Variants in NCAM2 observed in about 807,000 individuals in gnomAD.
NCAM2 encodes the protein neural cell adhesion molecule 2.
NCAM2 carries 30 observed loss-of-function variants against 98.1 expected under a neutral mutation model. The observed-to-expected ratio is 0.31, with a 90% CI of 0.23 to 0.41. The LOEUF is 0.41. Among genes scored for constraint, NCAM2 ranks in the 10% least tolerant of loss-of-function variants. The pLI is 1.00. For missense variants in NCAM2, 867 were observed against 1,005.8 expected, an observed-to-expected ratio of 0.86 and a Z score of 1.87; for synonymous variants, 368 against 342.4, an observed-to-expected ratio of 1.07 and a Z score of -0.83.
chr21:21,076,568 C>A (rs1049256384), intron 1 of NCAM2, among the ~76,000 whole-genome samples: 2 of 152,056 alleles, frequency 1.3e-5, no homozygotes, highest in Non-Finnish European at 2.9e-5. Context: ...TGTTTTAAAA[C>A]TGGGTCAGTC....
rs552426202 is a variant in NCAM2 at position 21,397,502 on chromosome 21, C to T, written c.1196-12772C>T. Among the ~76,000 whole-genome samples the T allele has an allele frequency of 1.3e-3, 199 of 152,284 alleles. 2 individuals are homozygous for T. The South Asian group carries it at 0.03, about 23-fold the overall frequency. Reference sequence around the variant, plus strand: ...GTAGCAGGGGTCTGGTGTGTCAGCACCTCCTTGAGTGTGCACACACCTAGG... The same window carrying T: ...GTAGCAGGGGTCTGGTGTGTCAGCATCTCCTTGAGTGTGCACACACCTAGG... On this transcript the variant is annotated intron_variant, in intron 9 of 17. Coordinates refer to ENST00000400546, the MANE Select transcript of NCAM2 (RefSeq NM_004540.5).
At chr21:21,072,378 T>A (rs1257233549) in intron 1 of NCAM2, among the ~76,000 whole-genome samples, 9 of 152,262 alleles carry the variant, frequency 5.9e-5, no homozygotes, top group Non-Finnish European at 1.3e-4. Context: ...CATCAAAAAT[T>A]AGCTAAGATC....
At chr21:21,302,446 T>C (rs771871856) in intron 5 of NCAM2, among the ~76,000 whole-genome samples, 1 of 152,146 alleles carries the variant, frequency 6.6e-6, no homozygotes, top group Admixed American at 6.6e-5. Context: ...TTTTCTATTC[T>C]GTTCCATTGA....
At chr21:21,514,945 T>C (rs1017648204) in intron 16 of NCAM2, among the ~76,000 whole-genome samples, 1 of 152,196 alleles carries the variant, frequency 6.6e-6, no homozygotes, top group Non-Finnish European at 1.5e-5. Flanking sequence ...TCTCCAAGTT[T>C]GTTGTTCTTC....
intron 6 of NCAM2, among the ~76,000 whole-genome samples, chr21:21,330,727 A>G (rs1215746343): frequency 6.6e-6 from 1 of 151,990 alleles, no homozygotes; most frequent in African/African-American, 2.4e-5. Context: ...AAGCTCTAGT[A>G]TTATATGTTT....
intron 1 of NCAM2, among the ~76,000 whole-genome samples, chr21:21,246,070 T>G (rs1355136236): frequency 6.6e-6 from 1 of 152,212 alleles, no homozygotes; most frequent in African/African-American, 2.4e-5. Context: ...CGTACTACTT[T>G]GAAGACTAGT....
intron 9 of NCAM2, among the ~76,000 whole-genome samples, chr21:21,374,481 AT>A (rs1380362381): frequency 2.0e-5 from 3 of 151,872 alleles, no homozygotes; most frequent in African/African-American, 7.2e-5. Flanking sequence ...ATGCTGTCTT[AT>A]CAAAATAGTG....
At chr21:21,487,920 A>G (rs1261619244) in intron 15 of NCAM2, among the ~76,000 whole-genome samples, 5 of 152,144 alleles carry the variant, frequency 3.3e-5, no homozygotes, top group East Asian at 1.9e-4. Flanking sequence ...TCCTAATACT[A>G]TAGGTCATTA....
At chr21:21,414,309 T>C (rs2076943913) in intron 10 of NCAM2, among the ~76,000 whole-genome samples, 1 of 152,192 alleles carries the variant, frequency 6.6e-6, no homozygotes, top group African/African-American at 2.4e-5. Context: ...TTATTAATGT[T>C]GATATTTTCA....
chr21:21,374,094 A>C, intron 9 of NCAM2, 81 bp downstream of exon 9: 1 of 1,350,956 alleles, frequency 7.4e-7, no homozygotes, highest in Non-Finnish European at 1.0e-6. Context: ...AGACCAAAAT[A>C]TATATGTAGT....
At chr21:21,193,271 A>G (rs945962315) in intron 1 of NCAM2, among the ~76,000 whole-genome samples, 1 of 151,708 alleles carries the variant, frequency 6.6e-6, no homozygotes, top group Non-Finnish European at 1.5e-5. Context: ...TTAGATTATT[A>G]TCTTTTTTAA....
chr21:21,240,446 A>C (rs1010959645), intron 1 of NCAM2, among the ~76,000 whole-genome samples: 18 of 151,900 alleles, frequency 1.2e-4, no homozygotes, highest in African/African-American at 4.1e-4. Flanking sequence ...TTCTTACATA[A>C]GATTATTGGA....
chr21:21,257,400 A>G (rs111462481), intron 1 of NCAM2, among the ~76,000 whole-genome samples: 65 of 152,298 alleles, frequency 4.3e-4, no homozygotes, highest in African/African-American at 1.5e-3. Context: ...CCTTGATGGC[A>G]GATAAAATGT....
chr21:21,146,307 G>C (rs770723694), intron 1 of NCAM2, among the ~76,000 whole-genome samples: 3 of 150,998 alleles, frequency 2.0e-5, no homozygotes, highest in Non-Finnish European at 4.4e-5. Flanking sequence ...GTTTTGTTTT[G>C]TTTTTTCATG....
At chr21:21,013,989 G>T (rs898838339) in intron 1 of NCAM2, among the ~76,000 whole-genome samples, 6 of 152,126 alleles carry the variant, frequency 3.9e-5, no homozygotes, top group Admixed American at 3.3e-4. Context: ...GCCTTCTATT[G>T]TCAGATGATA....
chr21:21,036,036 C>T (rs964640337), intron 1 of NCAM2, among the ~76,000 whole-genome samples: 1 of 152,092 alleles, frequency 6.6e-6, no homozygotes, highest in Non-Finnish European at 1.5e-5. Flanking sequence ...ATGAAATAAG[C>T]TTTTTATTCT....
At chr21:21,133,444 C>G (rs2066976692) in intron 1 of NCAM2, among the ~76,000 whole-genome samples, 2 of 152,198 alleles carry the variant, frequency 1.3e-5, no homozygotes, top group African/African-American at 2.4e-5. Flanking sequence ...AGTTCACGTC[C>G]ACTCCTAATT....
At chr21:21,372,662 A>C (rs2075945891) in intron 8 of NCAM2, among the ~76,000 whole-genome samples, 1 of 151,870 alleles carries the variant, frequency 6.6e-6, no homozygotes, top group Non-Finnish European at 1.5e-5. Context: ...ATTTGACTCA[A>C]ATGCATATTG....
At chr21:21,415,330 C>CTTTTTT (rs34997215) in intron 10 of NCAM2, among the ~76,000 whole-genome samples, 1 of 70,804 alleles carries the variant, frequency 1.4e-5, no homozygotes, top group Non-Finnish European at 2.4e-5. Flanking sequence ...TTAGCTTGAT[C>CTTTTTT]TTTTTTTTTT....
Sources: allele counts gnomAD v4.1 joint callset (sites outside exome capture counted in the v4.1 genomes callset), GRCh38; gene constraint gnomAD v4.1.1; transcripts MANE v1.5; gene names NCBI Gene and HGNC (gene_info 2026-07-23, HGNC 2026-07-21).